The following PRCP variants were observed in gnomAD, a reference collection of about 807,000 sequenced individuals.
PRCP encodes the protein prolylcarboxypeptidase.
A neutral mutation model predicts 54.2 loss-of-function variants in PRCP; 46 were observed. The ratio of observed to expected loss-of-function variants is 0.85; its 90% CI spans 0.67 to 1.09. The LOEUF (loss-of-function observed/expected upper bound fraction) is 1.09, where lower values mean the gene tolerates loss of function less well. Among genes scored for constraint, PRCP ranks in the 50% least tolerant of loss-of-function variants. PRCP has a pLI of 0.00. For synonymous variants in PRCP, 240 were observed against 212.2 expected (o/e 1.13, Z -1.14); for missense variants, 613 against 596.8 (o/e 1.03, Z -0.28).
intron 1 of PRCP, among the ~76,000 whole-genome samples, chr11:82,891,434 A>G (rs2084015793): frequency 2.0e-5 from 3 of 152,304 alleles, no homozygotes; most frequent in Non-Finnish European, 4.4e-5. Context: ...CACAATAGCC[A>G]AAGTGTTTCT....
At chr11:82,900,978 G>T, upstream of PRCP, 1 of 413,452 alleles carries the variant, frequency 2.4e-6, no homozygotes, top group Non-Finnish European at 4.9e-6. Flanking sequence ...AATCTTGTGC[G>T]TCGTATATGA....
intron 6 of PRCP, among the ~76,000 whole-genome samples, chr11:82,846,460 T>C (rs543706849): frequency 2.8e-4 from 43 of 152,042 alleles, no homozygotes; most frequent in African/African-American, 9.9e-4. Context: ...ATAAGATTAC[T>C]TCTGGTGGGG....
intron 6 of PRCP, among the ~76,000 whole-genome samples, chr11:82,845,189 G>A (rs1858778101): frequency 6.6e-6 from 1 of 152,176 alleles, no homozygotes; most frequent in African/African-American, 2.4e-5. Context: ...GAACATTCAT[G>A]CAACCTTACT....
intron 1 of PRCP, among the ~76,000 whole-genome samples, chr11:82,871,230 G>C (rs1344535157): frequency 2.0e-5 from 3 of 147,906 alleles, no homozygotes; most frequent in Admixed American, 6.9e-5. Flanking sequence ...GCCCAGGCTG[G>C]AGTGCAGTGG....
At chr11:82,855,446 G>T (rs1413690057) in intron 2 of PRCP, among the ~76,000 whole-genome samples, 1 of 151,872 alleles carries the variant, frequency 6.6e-6, no homozygotes, top group Non-Finnish European at 1.5e-5. Context: ...GTGAAACCCC[G>T]TCTCTACTAA....
rs199589540 is a variant in PRCP, at chr11:82,859,930, T to A, written c.309+47A>T. On this transcript the variant is annotated intron_variant, in intron 2 of 8. Coordinates refer to ENST00000313010, the MANE Select transcript of PRCP (RefSeq NM_005040.4). Reference sequence around the variant, plus strand: ...GCAAAACATTTCTTCCAAGTTATCATAATAAAAGTCAAATTGAGCACTGGA... The same window carrying A: ...GCAAAACATTTCTTCCAAGTTATCAAAATAAAAGTCAAATTGAGCACTGGA... 1.5e-4 allele frequency: 227 copies of A among 1,508,352 alleles called. No individual in the cohort carries two copies. In the African/African-American group the frequency reaches 2.9e-3, roughly 19 times the overall value. 93.4% of individuals were successfully genotyped at this position (1,508,352 alleles called of 1,614,324 possible).
At chr11:82,863,943 G>A (rs1400543242) in intron 1 of PRCP, among the ~76,000 whole-genome samples, 1 of 152,082 alleles carries the variant, frequency 6.6e-6, no homozygotes, top group Admixed American at 6.5e-5. Flanking sequence ...GTGAAGCCTC[G>A]GGCAAATTAC....
intron 6 of PRCP, among the ~76,000 whole-genome samples, chr11:82,848,379 A>AT (rs1448796854): frequency 1.3e-5 from 2 of 152,234 alleles, no homozygotes; most frequent in African/African-American, 4.8e-5. Context: ...CACATCCAAC[A>AT]TTTTATTAGA....
intron 1 of PRCP, among the ~76,000 whole-genome samples, chr11:82,891,291 T>C (rs560673153): frequency 2.6e-4 from 40 of 152,236 alleles, no homozygotes; most frequent in African/African-American, 8.2e-4. Context: ...CCTTCAAAAA[T>C]ATCCAGAATC....
chr11:82,875,229 T>C (rs1859577109), intron 1 of PRCP, among the ~76,000 whole-genome samples: 1 of 152,230 alleles, frequency 6.6e-6, no homozygotes, highest in Admixed American at 6.5e-5. Flanking sequence ...GGCTAATCTC[T>C]GTATCCACAA....
intron 1 of PRCP, chr11:82,884,857 C>G (rs1161420311): frequency 6.2e-7 from 1 of 1,613,566 alleles, no homozygotes; most frequent in Non-Finnish European, 8.5e-7. Flanking sequence ...TTGGATAATA[C>G]ATATGTGCAA....
intron 1 of PRCP, among the ~76,000 whole-genome samples, chr11:82,869,147 G>C (rs562681290): frequency 6.6e-6 from 1 of 152,168 alleles, no homozygotes; most frequent in South Asian, 2.1e-4. Flanking sequence ...CTTGAGCCCA[G>C]GAGTTCAAGA....
intron 2 of PRCP, 50 bp from the exon 3 acceptor site, chr11:82,853,328 G>C (rs1322967649): frequency 2.0e-6 from 3 of 1,512,322 alleles, no homozygotes; most frequent in East Asian, 2.3e-5. Flanking sequence ...GTGAAAAAAA[G>C]TCACTGAACC....
chr11:82,860,289 A>G (rs554612683), intron 1 of PRCP, among the ~76,000 whole-genome samples, 172 bp from the exon 2 acceptor site: 1 of 152,062 alleles, frequency 6.6e-6, no homozygotes, highest in East Asian at 1.9e-4. Context: ...TTATTTTGAA[A>G]TCATTTCCTT....
At chr11:82,892,504 T>A (rs1295927331) in intron 1 of PRCP, among the ~76,000 whole-genome samples, 2 of 152,194 alleles carry the variant, frequency 1.3e-5, no homozygotes, top group African/African-American at 4.8e-5. Flanking sequence ...ATTATTCTTT[T>A]TAATTAACAA....
chr11:82,849,033 G>C lies in PRCP; in HGVS notation c.921+16C>G, dbSNP rs769568426. The C allele has an allele frequency of 6.2e-7, 1 of 1,605,600 alleles. No individual in the cohort carries two copies. On this transcript the variant is annotated intron_variant, in intron 6 of 8. Transcript: ENST00000313010. ...GTGTGTTATTAAAAAATGATGACAGGACATTTTCCTATTACCTTGATAGGC... is the reference window on the plus strand; with the variant it reads ...GTGTGTTATTAAAAAATGATGACAGCACATTTTCCTATTACCTTGATAGGC...
chr11:82,857,137 CA>C (rs1227801212), intron 2 of PRCP, among the ~76,000 whole-genome samples: 1 of 151,078 alleles, frequency 6.6e-6, no homozygotes, highest in East Asian at 1.9e-4. Context: ...GCATTGACAA[CA>C]TAAAAGAGAA....
intron 6 of PRCP, among the ~76,000 whole-genome samples, chr11:82,841,808 C>T (rs1858679199): frequency 6.6e-6 from 1 of 152,134 alleles, no homozygotes; most frequent in African/African-American, 2.4e-5. Context: ...TCTCAGAAAA[C>T]ATTCCTAGGA....
intron 6 of PRCP, among the ~76,000 whole-genome samples, chr11:82,848,468 A>G (rs1858864228): frequency 6.6e-6 from 1 of 152,224 alleles, no homozygotes; most frequent in Admixed American, 6.5e-5. Context: ...AAAGAAAAGC[A>G]CCTTGCCTAA....
Sources: gnomAD v4.1 joint callset for allele counts (sites outside exome capture counted in the v4.1 genomes callset) on GRCh38, gnomAD v4.1.1 for gene constraint, MANE v1.5 for transcripts, NCBI Gene and HGNC (gene_info 2026-07-23, HGNC 2026-07-21) for gene names.